Variants in STX18 observed in about 807,000 individuals in gnomAD.
STX18 encodes syntaxin-18.
Under a neutral mutation model 50.1 loss-of-function variants are expected in STX18, and 40 were observed. The observed-to-expected ratio is 0.80, with a 90% CI of 0.62 to 1.04. The LOEUF is 1.04. STX18 is among the 50% of genes least tolerant of loss of function. The pLI, the probability that STX18 is intolerant of heterozygous loss-of-function variation, is 0.00. For missense variants in STX18, 410 were observed against 415.8 expected (o/e 0.99, Z 0.12); for synonymous variants, 158 against 151.8 (o/e 1.04, Z -0.30).
chr4:4,421,080 C>T, intron 9 of STX18, 136 bp from the exon 10 acceptor site: 1 of 813,496 alleles, frequency 1.2e-6, no homozygotes, highest in Non-Finnish European at 2.0e-6. Context: ...CTTAGGACTT[C>T]ACATTTTGAA....
chr4:4,433,532 ATT>A (rs1491491296), intron 7 of STX18, among the ~76,000 whole-genome samples: 3 of 124,168 alleles, frequency 2.4e-5, no homozygotes, highest in African/African-American at 1.3e-4. Flanking sequence ...AAAAAAATAA[ATT>A]AAAAAAAAAA....
intron 5 of STX18, among the ~76,000 whole-genome samples, chr4:4,439,238 C>T (rs1181754527): frequency 9.5e-6 from 1 of 105,248 alleles, no homozygotes; most frequent in Admixed American, 8.9e-5. Context: ...TATACACACA[C>T]ACCACATACA....
chr4:4,441,892 A>G (rs939975273), intron 5 of STX18, among the ~76,000 whole-genome samples: 6 of 152,258 alleles, frequency 3.9e-5, no homozygotes, highest in African/African-American at 1.4e-4. Flanking sequence ...TATTTTAAAA[A>G]GAGACTAAAT....
intron 1 of STX18, among the ~76,000 whole-genome samples, chr4:4,526,549 A>G (rs533336948): frequency 6.6e-6 from 1 of 152,326 alleles, no homozygotes; most frequent in South Asian, 2.1e-4. Flanking sequence ...AGGAAAACCA[A>G]TCCTCCCAAT....
At chr4:4,506,259 T>C (rs1039125275) in intron 1 of STX18, among the ~76,000 whole-genome samples, 3 of 152,268 alleles carry the variant, frequency 2.0e-5, no homozygotes, top group African/African-American at 7.2e-5. Context: ...TTGTAGCAGT[T>C]CTATTCATAA....
At chr4:4,452,848 C>A (rs756770380) in intron 5 of STX18, among the ~76,000 whole-genome samples, 1 of 152,132 alleles carries the variant, frequency 6.6e-6, no homozygotes, top group Non-Finnish European at 1.5e-5. Context: ...GGGAGGAGGT[C>A]AAAATATCAA....
rs546379047 is a variant in STX18, at chr4:4,484,023, A to G, written c.169-12317T>C. Among the ~76,000 whole-genome samples the G allele has an allele frequency of 2.2e-4, 34 of 151,756 alleles. No homozygotes were observed. In the East Asian group the frequency reaches 2.5e-3, roughly 11 times the overall value. ...ACTACAGGTGCGTGCCACCATGCCC[A>G]GCTAATTTTTTTGTATTTTTAGTAG... On this transcript the variant is annotated intron_variant, in intron 1 of 10. Transcript: ENST00000306200.
chr4:4,489,924 A>T (rs1284522340), intron 1 of STX18, among the ~76,000 whole-genome samples: 1 of 152,216 alleles, frequency 6.6e-6, no homozygotes, highest in Non-Finnish European at 1.5e-5. Context: ...ATCTGAATTC[A>T]GCTCAGTGTG....
intron 1 of STX18, among the ~76,000 whole-genome samples, chr4:4,487,848 A>T (rs1344363824): frequency 6.6e-6 from 1 of 152,220 alleles, no homozygotes; most frequent in Non-Finnish European, 1.5e-5. Context: ...AAGTCCAAAA[A>T]GAACTATGTC....
chr4:4,491,880 TA>T (rs1728958102), intron 1 of STX18, among the ~76,000 whole-genome samples: 1 of 152,106 alleles, frequency 6.6e-6, no homozygotes, highest in Admixed American at 6.6e-5. Flanking sequence ...TTTTAGCCAT[TA>T]AAAAACTAAA....
upstream of STX18, chr4:4,542,192 G>T (rs551788012): frequency 2.0e-6 from 1 of 507,746 alleles, no homozygotes; most frequent in Non-Finnish European, 3.4e-6. Flanking sequence ...ACGCGCTCTC[G>T]GGCATCGGTT....
intron 5 of STX18, among the ~76,000 whole-genome samples, chr4:4,445,676 A>G (rs1726357454): frequency 6.6e-6 from 1 of 152,168 alleles, no homozygotes; most frequent in Non-Finnish European, 1.5e-5. Flanking sequence ...GAGAAAAAGA[A>G]ATTTAAAAAT....
chr4:4,533,288 T>C (rs1448936796), intron 1 of STX18, among the ~76,000 whole-genome samples: 1 of 152,226 alleles, frequency 6.6e-6, no homozygotes, highest in Non-Finnish European at 1.5e-5. Context: ...ATAATTAACA[T>C]GTGTAGACTT....
In STX18 at chr4:4,459,485, T is replaced by C; in HGVS notation, c.239A>G (p.His80Arg). ...CATCCTCCCATATTCAGACATGGTATGGCTAAAAAAAGACAGCAAAGGAAA... is the reference window on the plus strand; with the variant it reads ...CATCCTCCCATATTCAGACATGGTACGGCTAAAAAAAGACAGCAAAGGAAA... ...HRKDYINAYS[H>R]TMSEYGRMTD... The change falls in exon 3 of 11, where the codon CAT becomes CGT. Residue 80 changes from histidine (H) to arginine (R), a missense_variant and splice_region_variant. Coordinates refer to ENST00000306200, the MANE Select transcript of STX18 (RefSeq NM_016930.4). 1 of 1,611,242 alleles carries C rather than the reference T, an allele frequency of 6.2e-7. No individual in the cohort carries two copies. The highest frequency in any genetic ancestry group is 1.7e-5 in the Admixed American group (1 of 60,000).
chr4:4,419,886 G>A lies in STX18; in HGVS notation c.*148C>T. 2.9e-6 allele frequency: 2 copies of A among 679,464 alleles called. No individual in the cohort carries two copies. Among genetic ancestry groups the A allele is most frequent in the South Asian group, 3.7e-5 (2 of 53,444 alleles). The allele number at this position is 679,464 out of a possible 1,614,324, so 42.1% of individuals were successfully genotyped here. ...TCGGCCTGGGGTATCCCTTTTTGGG[G>A]AATACGTCTGTCTGTCTGAACTCCT... On this transcript the variant is annotated 3_prime_UTR_variant, in exon 11 of 11. Transcript: ENST00000306200.
intron 2 of STX18, among the ~76,000 whole-genome samples, chr4:4,466,199 C>T (rs930892160): frequency 6.6e-6 from 1 of 151,990 alleles, no homozygotes; most frequent in Non-Finnish European, 1.5e-5. Flanking sequence ...CAGGCTCTAC[C>T]GAGAAGGTGG....
At chr4:4,486,096 T>C (rs1055439443) in intron 1 of STX18, among the ~76,000 whole-genome samples, 1 of 152,240 alleles carries the variant, frequency 6.6e-6, no homozygotes. Context: ...TCCTCACTTG[T>C]GTGCTTTGAA....
Position 4,541,811 on chromosome 4 carries a change from G to A in STX18, c.154C>T (p.Arg52Trp), listed in dbSNP as rs775969920. 8 of 1,609,704 alleles carry A rather than the reference G, an allele frequency of 5.0e-6. No homozygotes were observed. Among genetic ancestry groups the A allele is most frequent in the East Asian group, 4.5e-5 (2 of 44,724 alleles). The change falls in exon 1 of 11, where the codon CGG (arginine) becomes TGG (tryptophan). Residue 52 changes from arginine (R) to tryptophan (W), a missense_variant. By Grantham distance (101) the Arg-to-Trp change is moderately radical. Transcript: ENST00000306200. The part of the protein sequence containing the change: ...SPRPKGDFSS[R>W]AREVISHIGK... ...AACCAGCTCACCACTTCGCGGGCCC[G>A]GCTGGAGAAGTCGCCCTTGGGCCGG...
chr4:4,436,280 A>G (rs1212760394), intron 6 of STX18, among the ~76,000 whole-genome samples: 1 of 152,244 alleles, frequency 6.6e-6, no homozygotes, highest in Non-Finnish European at 1.5e-5. Flanking sequence ...GGCTGTTTTT[A>G]CCAGAAGTGT....
Sources: gnomAD v4.1 joint callset for allele counts (sites outside exome capture counted in the v4.1 genomes callset) on GRCh38, gnomAD v4.1.1 for gene constraint, MANE v1.5 for transcripts, NCBI Gene and HGNC (gene_info 2026-07-23, HGNC 2026-07-21) for gene names.